MIOS: variants seen among roughly 807,000 people sequenced by gnomAD.
MIOS encodes meiosis regulator for oocyte development.
In MIOS, 52 loss-of-function variants were observed where a neutral mutation model predicts 96.9. The ratio of observed to expected loss-of-function variants is 0.54; its 90% confidence interval spans 0.43 to 0.68. The LOEUF (loss-of-function observed/expected upper bound fraction) is 0.68. Among genes scored for constraint, MIOS ranks in the 30% least tolerant of loss-of-function variants. MIOS has a pLI of 0.00. For synonymous variants in MIOS, 397 were observed against 359.5 expected, an observed-to-expected ratio of 1.10 and a Z score of -1.18; for missense variants, 1,005 against 1,052.8, an observed-to-expected ratio of 0.95 and a Z score of 0.63.
chr7:7,591,269 C>G (rs1362865980), intron 9 of MIOS, among the ~76,000 whole-genome samples: 2 of 149,328 alleles, frequency 1.3e-5, no homozygotes, highest in African/African-American at 4.9e-5. Flanking sequence ...GCTTGTCTCC[C>G]TGTCTGTGAT....
chr7:7,592,113 C>G (rs560683988), intron 9 of MIOS, among the ~76,000 whole-genome samples: 5 of 152,052 alleles, frequency 3.3e-5, no homozygotes, highest in Non-Finnish European at 7.4e-5. Flanking sequence ...CTCAGCCTCC[C>G]GAGTAGCTGG....
chr7:7,572,590 A>G lies in MIOS; in HGVS notation c.115A>G (p.Lys39Glu), dbSNP rs753562345. 1.9e-6 allele frequency: 3 copies of G among 1,614,062 alleles called. No individual in the cohort carries two copies. Among genetic ancestry groups the G allele is most frequent in the Non-Finnish European group, 2.5e-6 (3 of 1,179,942 alleles). The change falls in exon 4 of 13, where the codon AAA becomes GAA. Residue 39 changes from lysine to glutamate, a missense_variant. This residue lies in a region of MIOS where 137 missense variants were observed against 148.6 expected (regional missense o/e 0.92). Coordinates refer to ENST00000340080, the MANE Select transcript of MIOS (RefSeq NM_019005.4). This position sits in a 1 kb window ranked among gnomAD's most constrained non-coding sequence, Gnocchi z 4.8. Reference sequence around the variant, plus strand: ...GGAATCTACTGTGAATTCAGAACTCAAAGCTGGATCTTTACGTTTATCTGA... The same window carrying G: ...GGAATCTACTGTGAATTCAGAACTCGAAGCTGGATCTTTACGTTTATCTGA... Reference protein sequence around the residue: ...HVESTVNSELKAGSLRLSEDS... With the variant: ...HVESTVNSELEAGSLRLSEDS...
chr7:7,583,500 G>A, intron 6 of MIOS, 128 bp downstream of exon 6: 2 of 1,104,480 alleles, frequency 1.8e-6, no homozygotes, highest in Non-Finnish European at 2.5e-6. Flanking sequence ...AATTTTTGTT[G>A]GAGGAGAAAA....
chr7:7,597,494 AT>A lies in MIOS; in HGVS notation c.2401+1034del, dbSNP rs1563040923. On this transcript the variant is annotated intron_variant, in intron 11 of 12. Coordinates refer to ENST00000340080, the MANE Select transcript of MIOS (RefSeq NM_019005.4). ...TATATATATATATATATATATATATATATATATATATATATATATATATGAA... is the reference window on the plus strand; with the variant it reads ...TATATATATATATATATATATATATAATATATATATATATATATATATGAA... Among the ~76,000 whole-genome samples the A allele has an allele frequency of 4.8e-3, 314 of 64,744 alleles. 30 individuals carry two copies. The highest frequency in any genetic ancestry group is 6.7e-3 in the Non-Finnish European group (216 of 32,178). The allele number at this position is 64,744 out of a possible 152,430, so 42.5% of individuals were successfully genotyped here.
intron 7 of MIOS, among the ~76,000 whole-genome samples, chr7:7,586,117 TAA>T (rs2115420069): frequency 6.6e-6 from 1 of 152,130 alleles, no homozygotes; most frequent in South Asian, 2.1e-4. Context: ...TGTGTAAACA[TAA>T]AAATATATTC....
intron 11 of MIOS, among the ~76,000 whole-genome samples, chr7:7,596,840 T>C (rs1265481285): frequency 6.6e-6 from 1 of 152,220 alleles, no homozygotes; most frequent in Non-Finnish European, 1.5e-5. Context: ...CTAAGGATCT[T>C]TTGACATCAT....
At chr7:7,577,619 G>T (rs1783579350) in intron 5 of MIOS, among the ~76,000 whole-genome samples, 1 of 152,128 alleles carries the variant, frequency 6.6e-6, no homozygotes. Flanking sequence ...GAAATGGGAG[G>T]GAATGGGATC....
At chr7:7,585,405 C>T (rs1563027851) in intron 6 of MIOS, among the ~76,000 whole-genome samples, 1 of 89,562 alleles carries the variant, frequency 1.1e-5, no homozygotes, top group African/African-American at 3.5e-5. Context: ...AATCAAAACC[C>T]AAACCCCCCC....
intron 5 of MIOS, among the ~76,000 whole-genome samples, chr7:7,580,153 A>C (rs1346112575): frequency 2.6e-5 from 4 of 152,236 alleles, no homozygotes; most frequent in African/African-American, 9.6e-5. Context: ...CCTGAAATTA[A>C]ATGACTGCAT....
At chr7:7,591,939 T>G (rs972900731) in intron 9 of MIOS, among the ~76,000 whole-genome samples, 2 of 152,016 alleles carry the variant, frequency 1.3e-5, no homozygotes, top group African/African-American at 2.4e-5. Context: ...GGCTCTATTC[T>G]TCTTCCTTCC....
intron 5 of MIOS, 73 bp downstream of exon 5, chr7:7,574,269 G>C (rs1379838597): frequency 1.4e-5 from 15 of 1,100,564 alleles, no homozygotes; most frequent in Admixed American, 2.5e-5. Context: ...CCTGTCATTT[G>C]GCAGAAATTA....
intron 7 of MIOS, among the ~76,000 whole-genome samples, chr7:7,586,611 A>G (rs1485584891): frequency 1.3e-5 from 2 of 152,218 alleles, no homozygotes; most frequent in Admixed American, 1.3e-4. Context: ...TGATTTAAGG[A>G]TTAGTCCCTA....
rs1424288650 is a variant in MIOS at position 7,589,495 on chromosome 7, G to GTA, written c.1976_1977insAT (p.Asp660TrpfsTer3). 6.2e-7 allele frequency: 1 copy of GTA among 1,613,612 alleles called. No individual in the cohort carries two copies. ...GCTTACAGGCCTTACTAAAGATGGA[G>GTA]TGGACTTAATGGAGAGTTATGTTGA... On this transcript the variant is annotated frameshift_variant, in exon 9 of 13. Transcript: ENST00000340080. LOFTEE classifies it high-confidence loss of function.
intron 5 of MIOS, among the ~76,000 whole-genome samples, chr7:7,578,767 G>C (rs1181938890): frequency 6.6e-6 from 1 of 151,882 alleles, no homozygotes; most frequent in Admixed American, 6.6e-5. Flanking sequence ...CTGGAGTGCA[G>C]TGACACAATC....
Position 7,572,968 on chromosome 7 carries a change from G to C in MIOS, c.493G>C (p.Ala165Pro). The C allele has an allele frequency of 3.7e-6, 6 of 1,614,108 alleles. No individual in the cohort carries two copies. Among genetic ancestry groups the C allele is most frequent in the Non-Finnish European group, 5.1e-6 (6 of 1,179,988 alleles). The change falls in exon 4 of 13, where the codon GCA becomes CCA. Residue 165 changes from alanine (A) to proline (P), a missense_variant. This residue lies in a region of MIOS where 865 missense variants were observed against 887.9 expected (regional missense o/e 0.97). Coordinates refer to ENST00000340080, the MANE Select transcript of MIOS (RefSeq NM_019005.4). This position sits in a 1 kb window ranked among gnomAD's most constrained non-coding sequence, Gnocchi z 4.8. Reference protein sequence around the residue: ...IVPMEKVKLSAGETETTLLVT... With the variant: ...IVPMEKVKLSPGETETTLLVT... ...TCCCATGGAAAAAGTGAAACTTTCA[G>C]CAGGTGAAACTGAAACAACATTATT...
Position 7,574,042 on chromosome 7 carries a change from T to C in MIOS, c.1295-56T>C, listed in dbSNP as rs181945348. 7.0e-5 allele frequency: 96 copies of C among 1,366,420 alleles called. No homozygotes were observed. In the East Asian group the frequency reaches 2.1e-3, roughly 30 times the overall value. The allele number at this position is 1,366,420 out of a possible 1,614,324, so 84.6% of individuals were successfully genotyped here. On this transcript the variant is annotated intron_variant, in intron 4 of 12. Coordinates refer to ENST00000340080, the MANE Select transcript of MIOS (RefSeq NM_019005.4). ...TGAATTGGCTCCAAATCAAAATAAA[T>C]TTAGCTTTGAAATATATTGTCATGC...
chr7:7,606,137 T>TA, intron 12 of MIOS, 66 bp downstream of exon 12: 1 of 1,570,688 alleles, frequency 6.4e-7, no homozygotes, highest in Non-Finnish European at 8.7e-7. Context: ...TGCTTCTAAA[T>TA]AGTTTGGGTT....
intron 9 of MIOS, among the ~76,000 whole-genome samples, chr7:7,589,990 G>A (rs762942978): frequency 1.8e-4 from 28 of 152,058 alleles, no homozygotes; most frequent in Admixed American, 9.2e-4. Flanking sequence ...GGGGTATTTG[G>A]GGTAACCAAT....
intron 11 of MIOS, 135 bp from the exon 12 acceptor site, chr7:7,605,807 A>G (rs1485842234): frequency 1.2e-6 from 1 of 853,788 alleles, no homozygotes; most frequent in Non-Finnish European, 1.7e-6. Context: ...CTAAACTAGA[A>G]CCTACCATCA....
Sources: allele counts gnomAD v4.1 joint callset (sites outside exome capture counted in the v4.1 genomes callset), GRCh38; gene constraint gnomAD v4.1.1; regional missense constraint gnomAD v4.1.1; non-coding constraint Gnocchi (gnomAD v3.1); transcripts MANE v1.5; gene names NCBI Gene and HGNC (gene_info 2026-07-23, HGNC 2026-07-21).